TAGAP: variants seen among roughly 807,000 people sequenced by gnomAD.
TAGAP encodes T-cell activation Rho GTPase-activating protein.
Under a neutral mutation model 36.0 loss-of-function variants are expected in TAGAP, and 16 were observed. The observed-to-expected ratio is 0.44, with a 90% CI of 0.30 to 0.68. TAGAP has a LOEUF of 0.68. TAGAP is among the 30% of genes least tolerant of loss of function. TAGAP has a pLI of 0.09. For synonymous variants in TAGAP, 372 were observed against 377.4 expected (o/e 0.99, Z 0.17); for missense variants, 794 against 921.5 (o/e 0.86, Z 1.79).
rs779373595 is a variant in TAGAP at position 159,039,341 on chromosome 6, A to G, written c.588-32T>C. The stretch of plus-strand genomic sequence containing the variant: ...TAAAGTGAAGGGATGTTAGTTTTCA[A>G]AAAGGCTAATGGTCTTCAGTGTAGC... On this transcript the variant is annotated intron_variant, in intron 7 of 9. Transcript: ENST00000367066. The G allele has an allele frequency of 6.2e-6, 10 of 1,603,238 alleles. No individual in the cohort carries two copies. In the African/African-American group the frequency reaches 1.3e-4, roughly 21 times the overall value.
At position 159,036,731 on chromosome 6, in the gene TAGAP, T is replaced by C; in HGVS notation, c.1292A>G (p.Gln431Arg). The change falls in exon 10 of 10, where the codon CAA becomes CGA. Residue 431 changes from glutamine to arginine, a missense_variant. Gln to Arg is a conservative substitution (Grantham distance 43, BLOSUM62 1). Coordinates refer to ENST00000367066, the MANE Select transcript of TAGAP (RefSeq NM_054114.5). This position sits in a 1 kb window ranked among gnomAD's most constrained non-coding sequence, Gnocchi z 4.9. ...GTCCACCGGCCTCTTGGTTTTGCCTTGCACTGCAGGGAAGACCTCCTCTGG... is the reference window on the plus strand; with the variant it reads ...GTCCACCGGCCTCTTGGTTTTGCCTCGCACTGCAGGGAAGACCTCCTCTGG... The part of the protein sequence containing the change: ...PFPEEVFPAV[Q>R]GKTKRPVDLK... 1.9e-6 allele frequency: 3 copies of C among 1,614,198 alleles called. No individual in the cohort carries two copies. Among genetic ancestry groups the C allele is most frequent in the Non-Finnish European group, 2.5e-6 (3 of 1,180,016 alleles).
intron 8 of TAGAP, 36 bp from the exon 9 acceptor site, chr6:159,038,264 ACT>A (rs1562585715): frequency 1.3e-4 from 104 of 825,048 alleles, no homozygotes; most frequent in Middle Eastern, 2.8e-4. Flanking sequence ...CAGCTTGAAG[ACT>A]TTTTTTTTTT....
intron 8 of TAGAP, among the ~76,000 whole-genome samples, chr6:159,038,478 T>C (rs375506982): frequency 6.6e-6 from 1 of 151,594 alleles, no homozygotes; most frequent in East Asian, 1.9e-4. Context: ...AACCTCTGCC[T>C]CCCGGGCTCA....
At chr6:159,044,636 GA>G (rs58292322) in intron 1 of TAGAP, among the ~76,000 whole-genome samples, 403 of 135,252 alleles carry the variant, frequency 3.0e-3, no homozygotes, top group Non-Finnish European at 4.1e-3. Flanking sequence ...ATCCAAAAAG[GA>G]AAAAAAAAAA....
In TAGAP at chr6:159,037,182, T is replaced by A. The variant is rs1023365499; in HGVS notation, c.899-58A>T. On this transcript the variant is annotated intron_variant, in intron 9 of 9. Coordinates refer to ENST00000367066, the MANE Select transcript of TAGAP (RefSeq NM_054114.5). The surrounding 1 kb of genome is among the most constrained non-coding windows in gnomAD (Gnocchi z 5.1). ...TTTGGGTTTATTTATTTATTTATTTTTATTTGTATTTTTTATTTTCATTTT... is the reference window on the plus strand; with the variant it reads ...TTTGGGTTTATTTATTTATTTATTTATATTTGTATTTTTTATTTTCATTTT... 2.9e-6 allele frequency: 4 copies of A among 1,376,810 alleles called. No homozygotes were observed. The highest frequency in any genetic ancestry group is 1.5e-5 in the African/African-American group (1 of 66,080). 85.3% of individuals were successfully genotyped at this position (1,376,810 alleles called of 1,614,324 possible). A position where few individuals can be genotyped will look rare whatever the true frequency, so the allele number is the denominator to read the frequency against.
Position 159,044,136 on chromosome 6 carries a change from C to T in TAGAP, c.11G>A (p.Arg4Lys), listed in dbSNP as rs769776999. The change falls in exon 2 of 10, where the codon AGA becomes AAA. Residue 4 changes from arginine (R) to lysine (K), a missense_variant. By Grantham distance (26) the Arg-to-Lys change is conservative. Coordinates refer to ENST00000367066, the MANE Select transcript of TAGAP (RefSeq NM_054114.5). Reference protein sequence around the residue: MKLRSSHNASKTLN... With the variant: MKLKSSHNASKTLN... ...GGCACTCACAGCATTGTGGCTGCTT[C>T]TCAGCTTCATCAGTATTGCGGCTGA... 3 of 1,613,852 alleles carry T rather than the reference C, an allele frequency of 1.9e-6. No homozygotes were observed. The highest frequency in any genetic ancestry group is 1.7e-5 in the Admixed American group (1 of 59,942).
At position 159,042,037 on chromosome 6, in the gene TAGAP, A is replaced by C. The variant is rs370858095; in HGVS notation, c.315+41T>G. The C allele has an allele frequency of 3.8e-6, 6 of 1,579,034 alleles. No homozygotes were observed. The East Asian group carries it at 1.4e-4, about 36-fold the overall frequency. On this transcript the variant is annotated intron_variant, in intron 5 of 9. Transcript: ENST00000367066. ...ATTTCCCGAGTATTTTGCATGTCCA[A>C]CTGAAAACTGAAGTAGGTTTATGAG... is the stretch of plus-strand genomic sequence containing the variant.
At position 159,036,180 on chromosome 6, in the gene TAGAP, C is replaced by T. The variant is rs1158540065; in HGVS notation, c.1843G>A (p.Val615Met). ...ARLVASESQT[V>M]GSMTVGSMRA... ...ATGCTCCCCACCGTCATGCTCCCCA[C>T]GGTCTGGCTCTCGGAGGCCACTAGT... The change falls in exon 10 of 10, where the codon GTG becomes ATG. Residue 615 changes from valine to methionine, a missense_variant. By Grantham distance (21) the Val-to-Met change is conservative. Coordinates refer to ENST00000367066, the MANE Select transcript of TAGAP (RefSeq NM_054114.5). The surrounding 1 kb of genome is among the most constrained non-coding windows in gnomAD (Gnocchi z 4.9). The T allele has an allele frequency of 3.1e-6, 5 of 1,611,930 alleles. No individual in the cohort carries two copies. The highest frequency in any genetic ancestry group is 1.7e-5 in the Admixed American group (1 of 59,984).
At chr6:159,042,495 C>T in intron 4 of TAGAP, 1 of 591,882 alleles carries the variant, frequency 1.7e-6, no homozygotes, top group South Asian at 3.3e-5. Context: ...CTCAAGGCCT[C>T]CACCTTTCCT....
chr6:159,040,704 G>A lies in TAGAP; in HGVS notation c.587+19C>T, dbSNP rs754418657. 4 of 1,601,562 alleles carry A rather than the reference G, an allele frequency of 2.5e-6. No individual in the cohort carries two copies. The highest frequency in any genetic ancestry group is 3.4e-6 in the Non-Finnish European group (4 of 1,168,838). On this transcript the variant is annotated intron_variant, in intron 7 of 9. Transcript: ENST00000367066. ...GAGGTGATGTGGCCTGGCAATGACC[G>A]ATGACTTTGATGACTTACTGTTTCA...
rs1487163620 is a variant in TAGAP at position 159,036,090 on chromosome 6, C to T, written c.1933G>A (p.Asp645Asn). ...TCTTTGCTGCCCCTGTGTCTTGAGT[C>T]CTCTACGTGGTGAGCAGGTGGAAGA... ...PPLPPAHHVE[D>N]SRHRGSKEPL... Residue 645 changes from aspartate to asparagine, a missense_variant, in exon 10 of 10, where the codon GAC becomes AAC. Physicochemically the swap from Asp to Asn is conservative, Grantham distance 23. Coordinates refer to ENST00000367066, the MANE Select transcript of TAGAP (RefSeq NM_054114.5). The surrounding 1 kb of genome is among the most constrained non-coding windows in gnomAD (Gnocchi z 4.9). 9.3e-6 allele frequency: 15 copies of T among 1,613,620 alleles called. No individual in the cohort carries two copies. The highest frequency in any genetic ancestry group is 1.2e-5 in the Non-Finnish European group (14 of 1,179,794).
chr6:159,041,131 G>C lies in TAGAP; in HGVS notation c.477+223C>G, dbSNP rs945180537. The C allele has an allele frequency of 4.0e-5, 26 of 643,848 alleles. No individual in the cohort carries two copies. The highest frequency in any genetic ancestry group is 4.3e-4 in the Middle Eastern group (1 of 2,336). 39.9% of individuals were successfully genotyped at this position (643,848 alleles called of 1,614,324 possible). A position where few individuals can be genotyped will look rare whatever the true frequency, so the allele number is the denominator to read the frequency against. ...GGAACAATCAAATTGCCCGTACTTG[G>C]CAAAGTTTTGGGAGAGCAGAATGCA... On this transcript the variant is annotated intron_variant, in intron 6 of 9. Transcript: ENST00000367066. This position sits in a 1 kb window ranked among gnomAD's most constrained non-coding sequence, Gnocchi z 4.1.
In TAGAP at chr6:159,041,900, T is replaced by TGGAAGCAGTCAGAAG. The variant is rs1237936475; in HGVS notation, c.315+177_315+178insCTTCTGACTGCTTCC. ...ATACAACTAATTTCAATTTCTGGAA[T>TGGAAGCAGTCAGAAG]GGAAGCAGTCAGATATTCTTCTGAC... is the stretch of plus-strand genomic sequence containing the variant. On this transcript the variant is annotated intron_variant, in intron 5 of 9. Transcript: ENST00000367066. The surrounding 1 kb of genome is among the most constrained non-coding windows in gnomAD (Gnocchi z 4.1). The TGGAAGCAGTCAGAAG allele has an allele frequency of 8.5e-6, 6 of 707,544 alleles. No homozygotes were observed. The African/African-American group carries it at 1.1e-4, about 13-fold the overall frequency. The allele number at this position is 707,544 out of a possible 1,614,324, so 43.8% of individuals were successfully genotyped here.
chr6:159,041,557 T>G lies in TAGAP; in HGVS notation c.316-42A>C. On this transcript the variant is annotated intron_variant, in intron 5 of 9. Coordinates refer to ENST00000367066, the MANE Select transcript of TAGAP (RefSeq NM_054114.5). The surrounding 1 kb of genome is among the most constrained non-coding windows in gnomAD (Gnocchi z 4.1). The stretch of plus-strand genomic sequence containing the variant: ...TAGGAACAGGAAAGGGTTACCCTTC[T>G]TCTTTAGTATACTGAGATAGTCTTA... 3 of 1,586,706 alleles carry G rather than the reference T, an allele frequency of 1.9e-6. No homozygotes were observed. The highest frequency in any genetic ancestry group is 2.6e-6 in the Non-Finnish European group (3 of 1,166,124).
At position 159,035,898 on chromosome 6, in the gene TAGAP, G is replaced by T; in HGVS notation, c.2125C>A (p.Leu709Ile). 1 of 1,613,824 alleles carries T rather than the reference G, an allele frequency of 6.2e-7. No individual in the cohort carries two copies. Residue 709 changes from leucine to isoleucine, a missense_variant, in exon 10 of 10, where the codon CTC becomes ATC. Leu to Ile is a conservative substitution (Grantham distance 5). Transcript: ENST00000367066. ...ESVQRNKRDCLVRRCSQPVFE... is the reference protein window; with the variant it reads ...ESVQRNKRDCIVRRCSQPVFE... ...ACCGGCTGGCTACATCGTCGCACGA[G>T]ACAGTCCCGCTTATTCCTCTGCACG... is the stretch of plus-strand genomic sequence containing the variant.
chr6:159,041,630 T>A lies in TAGAP; in HGVS notation c.316-115A>T, dbSNP rs1450516253. ...TTGCTTTCAGTCCAGTTGCTGTCAA[T>A]GGCCTTCCTCAACCCTGCTATTTTT... is the stretch of plus-strand genomic sequence containing the variant. On this transcript the variant is annotated intron_variant, in intron 5 of 9. Coordinates refer to ENST00000367066, the MANE Select transcript of TAGAP (RefSeq NM_054114.5). The surrounding 1 kb of genome is among the most constrained non-coding windows in gnomAD (Gnocchi z 4.1). 1.7e-6 allele frequency: 2 copies of A among 1,208,696 alleles called. No homozygotes were observed. The highest frequency in any genetic ancestry group is 2.2e-6 in the Non-Finnish European group (2 of 893,782). The allele number at this position is 1,208,696 out of a possible 1,614,324, so 74.9% of individuals were successfully genotyped here.
chr6:159,042,466 A>C, intron 4 of TAGAP: 1 of 916,928 alleles, frequency 1.1e-6, no homozygotes, highest in Non-Finnish European at 1.5e-6. Flanking sequence ...CAGTTCCCTA[A>C]ACAGCAACAC....
rs751164089 is a variant in TAGAP at position 159,037,136 on chromosome 6, C to G, written c.899-12G>C. On this transcript the variant is annotated splice_polypyrimidine_tract_variant and intron_variant, in intron 9 of 9. Coordinates refer to ENST00000367066, the MANE Select transcript of TAGAP (RefSeq NM_054114.5). The surrounding 1 kb of genome is among the most constrained non-coding windows in gnomAD (Gnocchi z 5.1). Reference sequence around the variant, plus strand: ...CAGGGTCGACACATCTGGGGGAAGTCAAGCAGCAGTTGAACATTTGTTTGG... The same window carrying G: ...CAGGGTCGACACATCTGGGGGAAGTGAAGCAGCAGTTGAACATTTGTTTGG... 2 of 1,581,428 alleles carry G rather than the reference C, an allele frequency of 1.3e-6. No individual in the cohort carries two copies. Among genetic ancestry groups the G allele is most frequent in the Admixed American group, 3.9e-5 (2 of 51,940 alleles).
Position 159,036,523 on chromosome 6 carries a change from G to A in TAGAP, c.1500C>T (p.Pro500=). 1 of 1,614,152 alleles carries A rather than the reference G, an allele frequency of 6.2e-7. No homozygotes were observed. Among genetic ancestry groups the A allele is most frequent in the Non-Finnish European group, 8.5e-7 (1 of 1,180,024 alleles). ...TGGAGTGCTTTTTAATTTCTCGGCT[G>A]GGCTTGCCTTTCTCTGTCTTTGTGG... ...SFTTKTEKGK[P]SREIKKHSMS... Residue 500 remains proline, a synonymous_variant, in exon 10 of 10, where the codon CCC becomes CCT. Transcript: ENST00000367066. The surrounding 1 kb of genome is among the most constrained non-coding windows in gnomAD (Gnocchi z 4.9).
Sources: gnomAD v4.1 joint callset for allele counts (sites outside exome capture counted in the v4.1 genomes callset) on GRCh38, gnomAD v4.1.1 for gene constraint, Gnocchi (gnomAD v3.1) non-coding constraint, MANE v1.5 for transcripts, NCBI Gene and HGNC (gene_info 2026-07-23, HGNC 2026-07-21) for gene names.